The following MME variants were observed in gnomAD, a reference collection of about 807,000 sequenced individuals.
MME encodes the protein neprilysin.
In MME, 98 loss-of-function variants were observed where a neutral mutation model predicts 113.2. The observed-to-expected ratio is 0.87, with a 90% confidence interval of 0.74 to 1.02. MME has a LOEUF of 1.02. MME is among the 50% of genes least tolerant of loss of function. The probability of loss-of-function intolerance (pLI) is 0.00; values close to 1 mark genes in which losing one functional copy is unlikely to be tolerated. For synonymous variants in MME, 292 were observed against 300.6 expected, an observed-to-expected ratio of 0.97 and a Z score of 0.30; for missense variants, 836 against 896.0, an observed-to-expected ratio of 0.93 and a Z score of 0.86.
chr3:155,042,900 T>TTTATATA (rs1325776737), intron 1 of MME, among the ~76,000 whole-genome samples: 2 of 62,956 alleles, frequency 3.2e-5, no homozygotes, highest in East Asian at 1.4e-3. Flanking sequence ...ATAGTAGGTT[T>TTTATATA]TATATATATA....
intron 3 of MME, among the ~76,000 whole-genome samples, chr3:155,113,557 T>C (rs945912686): frequency 6.6e-6 from 1 of 152,156 alleles, no homozygotes; most frequent in African/African-American, 2.4e-5. Flanking sequence ...CAAGCTTTTA[T>C]AATTTAACCT....
In MME at chr3:155,068,134, A is replaced by G. The variant is rs554826182; in HGVS notation, c.-10-16024A>G. Among the ~76,000 whole-genome samples, 4 of 152,364 alleles carry G rather than the reference A, an allele frequency of 2.6e-5. No individual in the cohort carries two copies. In the East Asian group the frequency reaches 5.8e-4, roughly 22 times the overall value. ...TGAACTAATGCTACTATGTGAATGAATATCAGCATAATTATGCTGAATGTA... is the reference window on the plus strand; with the variant it reads ...TGAACTAATGCTACTATGTGAATGAGTATCAGCATAATTATGCTGAATGTA... On this transcript the variant is annotated intron_variant, in intron 1 of 22. Transcript: ENST00000492661.
chr3:155,111,048 CA>C (rs1354877241), intron 3 of MME, among the ~76,000 whole-genome samples: 1 of 152,134 alleles, frequency 6.6e-6, no homozygotes, highest in Non-Finnish European at 1.5e-5. Flanking sequence ...CTGAAGAGCC[CA>C]GGTGTGGCTA....
At chr3:155,145,921 A>G (rs1246706891) in intron 14 of MME, among the ~76,000 whole-genome samples, 2 of 152,142 alleles carry the variant, frequency 1.3e-5, no homozygotes, top group Non-Finnish European at 2.9e-5. Flanking sequence ...GACTTCAGTG[A>G]TACATATGAG....
At chr3:155,089,527 A>T (rs1056487345) in intron 3 of MME, among the ~76,000 whole-genome samples, 3 of 152,206 alleles carry the variant, frequency 2.0e-5, no homozygotes, top group Non-Finnish European at 2.9e-5. Flanking sequence ...ACAACCAAAA[A>T]ATGTCTCTAG....
At chr3:155,100,970 C>G (rs1717152902) in intron 3 of MME, among the ~76,000 whole-genome samples, 1 of 152,134 alleles carries the variant, frequency 6.6e-6, no homozygotes, top group Non-Finnish European at 1.5e-5. Flanking sequence ...GGAGGTGGGG[C>G]CTGGTGGGAG....
At chr3:155,024,691 C>T (rs1712716676) in intron 1 of MME, among the ~76,000 whole-genome samples, 1 of 151,914 alleles carries the variant, frequency 6.6e-6, no homozygotes, top group Non-Finnish European at 1.5e-5. Context: ...CTGATCTTGC[C>T]CTGATTTGGT....
At chr3:155,099,765 A>C (rs1039810084) in intron 3 of MME, among the ~76,000 whole-genome samples, 8 of 152,196 alleles carry the variant, frequency 5.3e-5, no homozygotes, top group African/African-American at 1.7e-4. Flanking sequence ...TCCATGGTGT[A>C]TATGTGCCAC....
intron 1 of MME, among the ~76,000 whole-genome samples, chr3:155,049,426 A>G (rs534348561): frequency 6.6e-6 from 1 of 152,242 alleles, no homozygotes; most frequent in East Asian, 1.9e-4. Flanking sequence ...AGAGGCTAGG[A>G]GAGAGGTACA....
At position 155,168,626 on chromosome 3, in the gene MME, G is replaced by A. The variant is rs1003705057; in HGVS notation, c.1914+1G>A. 1.4e-5 allele frequency: 23 copies of A among 1,613,686 alleles called. No homozygotes were observed. Among genetic ancestry groups the A allele is most frequent in the East Asian group, 4.5e-5 (2 of 44,848 alleles). ...CTGGGACCTGGCAGGTGGACAGCACGTATGTCATTAGCATTCTCTTGAAAA... is the reference window on the plus strand; with the variant it reads ...CTGGGACCTGGCAGGTGGACAGCACATATGTCATTAGCATTCTCTTGAAAA... On this transcript the variant is annotated splice_donor_variant, in intron 19 of 22. Transcript: ENST00000360490. LOFTEE classifies it high-confidence loss of function.
intron 3 of MME, chr3:155,112,574 T>C (rs1345939539): frequency 6.6e-6 from 1 of 152,130 alleles, no homozygotes; most frequent in African/African-American, 2.4e-5. Context: ...TCTGAAGTAT[T>C]TTGAGAATAT....
intron 16 of MME, among the ~76,000 whole-genome samples, chr3:155,156,338 A>G (rs1722305713): frequency 6.6e-6 from 1 of 152,146 alleles, no homozygotes; most frequent in African/African-American, 2.4e-5. Flanking sequence ...TGCTCATTAA[A>G]TAGTAACCAG....
intron 8 of MME, among the ~76,000 whole-genome samples, chr3:155,135,386 T>C (rs1271038233): frequency 6.6e-6 from 1 of 152,182 alleles, no homozygotes; most frequent in Non-Finnish European, 1.5e-5. Flanking sequence ...CATTTTTGAA[T>C]AGGGAGTCCT....
At chr3:155,051,661 C>G (rs774713151) in intron 1 of MME, among the ~76,000 whole-genome samples, 57 of 152,132 alleles carry the variant, frequency 3.7e-4, no homozygotes, top group Non-Finnish European at 7.5e-4. Flanking sequence ...TTAATTACCT[C>G]CCATAGGGTC....
chr3:155,051,720 T>G (rs1193608667), intron 1 of MME, among the ~76,000 whole-genome samples: 1 of 152,084 alleles, frequency 6.6e-6, no homozygotes, highest in Non-Finnish European at 1.5e-5. Flanking sequence ...AAGATGAGAT[T>G]TTGGTGGGGA....
At chr3:155,047,632 A>T (rs559076570) in intron 1 of MME, among the ~76,000 whole-genome samples, 1 of 152,308 alleles carries the variant, frequency 6.6e-6, no homozygotes, top group South Asian at 2.1e-4. Context: ...TATTAGCTGC[A>T]TTAAAGTATC....
chr3:155,142,138 C>T lies in MME; in HGVS notation c.1094+11C>T. 2 of 1,613,756 alleles carry T rather than the reference C, an allele frequency of 1.2e-6. No homozygotes were observed. Among genetic ancestry groups the T allele is most frequent in the Non-Finnish European group, 1.7e-6 (2 of 1,179,748 alleles). On this transcript the variant is annotated intron_variant, in intron 11 of 22. Coordinates refer to ENST00000360490, the MANE Select transcript of MME (RefSeq NM_007289.4). ...CAAATATTCTGCCAGGTAGGTATGTCACAGTCCCCATGTCCTCAAAGTTTG... is the reference window on the plus strand; with the variant it reads ...CAAATATTCTGCCAGGTAGGTATGTTACAGTCCCCATGTCCTCAAAGTTTG...
chr3:155,090,419 C>A (rs978651202), intron 3 of MME: 15 of 152,024 alleles, frequency 9.9e-5, no homozygotes, highest in South Asian at 6.2e-4. Context: ...TATATTTTTT[C>A]TGTATACATA....
chr3:155,155,072 A>G (rs1722218327), intron 16 of MME, among the ~76,000 whole-genome samples: 1 of 152,072 alleles, frequency 6.6e-6, no homozygotes, highest in African/African-American at 2.4e-5. Context: ...GCAGATTTTC[A>G]TTGTGTTTTG....
Sources: allele counts gnomAD v4.1 joint callset (sites outside exome capture counted in the v4.1 genomes callset), GRCh38; gene constraint gnomAD v4.1.1; transcripts MANE v1.5; gene names NCBI Gene and HGNC (gene_info 2026-07-23, HGNC 2026-07-21).